SLC37A1: variants seen among roughly 807,000 people sequenced by gnomAD.
SLC37A1 encodes solute carrier family 37 member 1.
Under a neutral mutation model 75.3 loss-of-function variants are expected in SLC37A1, and 49 were observed. The observed-to-expected ratio is 0.65, with a 90% CI of 0.52 to 0.83. The LOEUF (loss-of-function observed/expected upper bound fraction) is 0.83. Among genes scored for constraint, SLC37A1 ranks in the 40% least tolerant of loss-of-function variants. SLC37A1 has a pLI of 0.00. For missense variants in SLC37A1, 566 were observed against 695.0 expected (o/e 0.81, Z 2.09); for synonymous variants, 268 against 292.1 (o/e 0.92, Z 0.84).
intron 11 of SLC37A1, among the ~76,000 whole-genome samples, chr21:42,559,875 C>CAAA (rs35483329): frequency 0.015 from 1,944 of 127,642 alleles, 53 homozygotes; most frequent in African/African-American, 0.05. Flanking sequence ...GACTCTGTCT[C>CAAA]AAAAAAAAAA....
chr21:42,566,202 C>T (rs1299284941), intron 15 of SLC37A1, among the ~76,000 whole-genome samples: 5 of 152,190 alleles, frequency 3.3e-5, no homozygotes, highest in East Asian at 1.9e-4. Flanking sequence ...GTGGGGCTGG[C>T]GGGGCTGCAG....
intron 8 of SLC37A1, 95 bp downstream of exon 8, chr21:42,543,697 C>A: frequency 7.7e-7 from 1 of 1,297,370 alleles, no homozygotes; most frequent in Non-Finnish European, 1.1e-6. Context: ...AGCTGCGTGG[C>A]CTAGCGCCCT....
intron 1 of SLC37A1, among the ~76,000 whole-genome samples, chr21:42,516,351 G>T (rs1248105411): frequency 6.6e-6 from 1 of 152,172 alleles, no homozygotes. Context: ...ACCCAGGCGA[G>T]CCGCCTAGCC....
chr21:42,525,984 C>T (rs2054780934), intron 3 of SLC37A1, 127 bp downstream of exon 3: 6 of 624,022 alleles, frequency 9.6e-6, no homozygotes, highest in Non-Finnish European at 1.7e-5. Context: ...ACAAGTTATT[C>T]TGCTGCTTTG....
At chr21:42,569,629 C>T (rs1053245376) in intron 17 of SLC37A1, among the ~76,000 whole-genome samples, 4 of 152,238 alleles carry the variant, frequency 2.6e-5, no homozygotes, top group Non-Finnish European at 4.4e-5. Flanking sequence ...CTGCTGAGAA[C>T]GCGTGAACCC....
intron 6 of SLC37A1, among the ~76,000 whole-genome samples, chr21:42,542,020 G>T (rs1007939601): frequency 2.6e-5 from 4 of 152,170 alleles, no homozygotes; most frequent in Admixed American, 2.6e-4. Flanking sequence ...AGAATTACAG[G>T]CATGAGCCGC....
chr21:42,510,201 G>A (rs1420944308), upstream of SLC37A1, among the ~76,000 whole-genome samples: 1 of 152,084 alleles, frequency 6.6e-6, no homozygotes, highest in African/African-American at 2.4e-5. Context: ...CTAATTTTTT[G>A]TATTTTAGTA....
chr21:42,578,472 C>T (rs401396), intron 18 of SLC37A1, among the ~76,000 whole-genome samples: 94,522 of 152,100 alleles, frequency 0.62, 30,063 homozygotes, highest in Admixed American at 0.7. Context: ...TAGGCCTCTT[C>T]GGGCTAGCAC....
intron 9 of SLC37A1, among the ~76,000 whole-genome samples, chr21:42,551,677 T>C (rs568492187): frequency 1.3e-5 from 2 of 152,380 alleles, no homozygotes; most frequent in East Asian, 3.9e-4. Flanking sequence ...TGGTCAGATC[T>C]GCTGATTGTC....
At chr21:42,518,565 C>T (rs2054568329) in intron 2 of SLC37A1, 55 bp downstream of exon 2, 1 of 1,581,064 alleles carries the variant, frequency 6.3e-7, no homozygotes, top group Admixed American at 1.7e-5. Flanking sequence ...GTGAGGGCTA[C>T]TGTGCAGGTA....
intron 4 of SLC37A1, 143 bp downstream of exon 4, chr21:42,534,973 C>T (rs542508686): frequency 3.6e-5 from 42 of 1,180,706 alleles, no homozygotes; most frequent in Non-Finnish European, 2.0e-5. Context: ...CACATGACTT[C>T]ACCGCCACGG....
chr21:42,540,380 C>A (rs1276415827), intron 6 of SLC37A1, among the ~76,000 whole-genome samples: 1 of 152,118 alleles, frequency 6.6e-6, no homozygotes, highest in Admixed American at 6.5e-5. Context: ...GGGTCCAAGC[C>A]TACAAAGGAA....
chr21:42,579,792 C>T lies in SLC37A1; in HGVS notation c.1578C>T (p.Asp526=), dbSNP rs774504191. ...ELSCPGSATG[D]QVPFKEQ ...GCTGCCCAGGGTCAGCTACGGGGGA[C>T]CAAGTTCCGTAAGTCCCACTCGGGC... The change falls in exon 19 of 20, where the codon GAC becomes GAT. Residue 526 remains aspartate (D), a synonymous_variant. Transcript: ENST00000352133. 3 of 1,614,142 alleles carry T rather than the reference C, an allele frequency of 1.9e-6. No individual in the cohort carries two copies. In the East Asian group the frequency reaches 6.7e-5, roughly 36 times the overall value.
chr21:42,569,632 G>A (rs1006808624), intron 17 of SLC37A1, among the ~76,000 whole-genome samples: 1 of 152,212 alleles, frequency 6.6e-6, no homozygotes, highest in African/African-American at 2.4e-5. Context: ...CTGAGAACGC[G>A]TGAACCCTTC....
In SLC37A1 at chr21:42,535,583, G is replaced by T. The variant is rs1254095184; in HGVS notation, c.350+33G>T. ...TCCTTCAGTTTTCCAGACCCTTCCT[G>T]GTTACCTGGCCCCTCCGTGCAGAGA... is the stretch of plus-strand genomic sequence containing the variant. On this transcript the variant is annotated intron_variant, in intron 5 of 19. Coordinates refer to ENST00000352133, the MANE Select transcript of SLC37A1 (RefSeq NM_001320537.2). 5 of 1,581,906 alleles carry T rather than the reference G, an allele frequency of 3.2e-6. No individual in the cohort carries two copies. In the East Asian group the frequency reaches 6.7e-5, roughly 21 times the overall value.
chr21:42,518,888 G>A (rs534326398), intron 2 of SLC37A1, among the ~76,000 whole-genome samples: 9 of 152,326 alleles, frequency 5.9e-5, no homozygotes, highest in South Asian at 4.1e-4. Flanking sequence ...TGGCCTTGCC[G>A]GGGCAGAACT....
chr21:42,511,660 CT>C (rs1238892028), upstream of SLC37A1, among the ~76,000 whole-genome samples: 1 of 152,136 alleles, frequency 6.6e-6, no homozygotes, highest in Non-Finnish European at 1.5e-5. Flanking sequence ...TGGCATGGGC[CT>C]GTATTCTCAG....
In SLC37A1 at chr21:42,530,993, G is replaced by A. The variant is rs185398256; in HGVS notation, c.139-3705G>A. Among the ~76,000 whole-genome samples the A allele has an allele frequency of 6.2e-4, 95 of 152,310 alleles. 1 individual carries two copies. The highest frequency in any genetic ancestry group is 1.2e-3 in the Non-Finnish European group (80 of 68,026). ...TGAATGTTTGTGCCTAAATGACTGC[G>A]TGGGGCTCTGCAGGTGTAGGATGAG... On this transcript the variant is annotated intron_variant, in intron 3 of 19. Coordinates refer to ENST00000352133, the MANE Select transcript of SLC37A1 (RefSeq NM_001320537.2).
Position 42,518,505 on chromosome 21 carries a change from T to C in SLC37A1, c.51T>C (p.Asp17=). The C allele has an allele frequency of 6.2e-7, 1 of 1,614,108 alleles. No homozygotes were observed. The highest frequency in any genetic ancestry group is 1.1e-5 in the South Asian group (1 of 91,082). The change falls in exon 2 of 20, where the codon GAT becomes GAC. Residue 17 remains aspartate (D), a synonymous_variant. Coordinates refer to ENST00000352133, the MANE Select transcript of SLC37A1 (RefSeq NM_001320537.2). Reference sequence around the variant, plus strand: ...GCTTCATCATCTCATTCTCCAGGGATCAGTGGTGAGTCCTGGTGGGGCAGG... The same window carrying C: ...GCTTCATCATCTCATTCTCCAGGGACCAGTGGTGAGTCCTGGTGGGGCAGG... ...GIRFIISFSR[D]QWYRAFIFIL...
Sources: gnomAD v4.1 joint callset for allele counts (sites outside exome capture counted in the v4.1 genomes callset) on GRCh38, gnomAD v4.1.1 for gene constraint, MANE v1.5 for transcripts, NCBI Gene and HGNC (gene_info 2026-07-23, HGNC 2026-07-21) for gene names.